Variants in FBXO24 observed in about 807,000 individuals in gnomAD.
FBXO24 encodes F-box protein 24.
A neutral mutation model predicts 63.5 loss-of-function variants in FBXO24; 30 were observed. That is an observed-to-expected ratio of 0.47 (90% CI 0.35 to 0.64). The LOEUF (loss-of-function observed/expected upper bound fraction) is 0.64, where lower values mean the gene tolerates loss of function less well. FBXO24 is among the 30% of genes least tolerant of loss of function. FBXO24 has a pLI of 0.00. For synonymous variants in FBXO24, 300 were observed against 305.0 expected (o/e 0.98, Z 0.17); for missense variants, 624 against 763.4 (o/e 0.82, Z 2.15).
intron 8 of FBXO24, 164 bp from the exon 9 acceptor site, chr7:100,599,867 G>T (rs1209302598): frequency 4.3e-6 from 3 of 695,576 alleles, no homozygotes; most frequent in Non-Finnish European, 2.4e-6. Context: ...GAGTATGGGG[G>T]CTGCAGGGGT....
chr7:100,595,849 G>T (rs746957178), intron 8 of FBXO24, 143 bp downstream of exon 8: 10 of 1,165,630 alleles, frequency 8.6e-6, no homozygotes, highest in Non-Finnish European at 1.2e-5. Flanking sequence ...AATGCCAGTG[G>T]TACTACCCCA....
intron 8 of FBXO24, among the ~76,000 whole-genome samples, chr7:100,596,744 A>G (rs1802326393): frequency 6.6e-6 from 1 of 152,274 alleles, no homozygotes. Flanking sequence ...AGAGAGGGGT[A>G]TAAGACAGAG....
At chr7:100,589,506 G>T in intron 1 of FBXO24, 1 of 1,349,428 alleles carries the variant, frequency 7.4e-7, no homozygotes. Context: ...GATGGGTCCT[G>T]GGCAAGATTA....
Position 100,595,134 on chromosome 7 carries a change from C to A in FBXO24, c.985C>A (p.Pro329Thr). The A allele has an allele frequency of 6.2e-7, 1 of 1,614,022 alleles. No homozygotes were observed. The highest frequency in any genetic ancestry group is 8.5e-7 in the Non-Finnish European group (1 of 1,179,994). ...GGGAGTGTATTTTGAGGTGCATACC[C>A]CAGGGGTGTATCGCGATCTCTTTGG... ...QGGVYFEVHT[P>T]GVYRDLFGTL... Residue 329 changes from proline to threonine, a missense_variant, in exon 7 of 10, where the codon CCA becomes ACA. Pro to Thr is a conservative substitution (Grantham distance 38). Transcript: ENST00000241071.
chr7:100,593,207 G>A, intron 5 of FBXO24, 190 bp downstream of exon 5: 1 of 553,158 alleles, frequency 1.8e-6, no homozygotes, highest in East Asian at 3.1e-5. Flanking sequence ...ATGAATAAAA[G>A]GCCCTGTCCA....
Position 100,594,324 on chromosome 7 carries a change from G to T in FBXO24, c.794-59G>T. On this transcript the variant is annotated intron_variant, in intron 5 of 9. Coordinates refer to ENST00000241071, the MANE Select transcript of FBXO24 (RefSeq NM_033506.3). The surrounding 1 kb of genome is among the most constrained non-coding windows in gnomAD (Gnocchi z 4.2). Reference sequence around the variant, plus strand: ...CCATATGGCCTAGGGAGTCTCTTGGGATGTTTATGTGGATATTGGAGAATC... The same window carrying T: ...CCATATGGCCTAGGGAGTCTCTTGGTATGTTTATGTGGATATTGGAGAATC... 1.3e-6 allele frequency: 2 copies of T among 1,593,052 alleles called. No homozygotes were observed. Among genetic ancestry groups the T allele is most frequent in the South Asian group, 2.3e-5 (2 of 88,782 alleles).
rs1171801276 is a variant in FBXO24 at position 100,594,851 on chromosome 7, G to A, written c.953-251G>A. Among the ~76,000 whole-genome samples the A allele has an allele frequency of 2.0e-5, 3 of 152,192 alleles. No homozygotes were observed. Among genetic ancestry groups the A allele is most frequent in the East Asian group, 1.9e-4 (1 of 5,192 alleles). On this transcript the variant is annotated intron_variant, in intron 6 of 9. Coordinates refer to ENST00000241071, the MANE Select transcript of FBXO24 (RefSeq NM_033506.3). This position sits in a 1 kb window ranked among gnomAD's most constrained non-coding sequence, Gnocchi z 4.2. ...TGTAATCCCAGCTACACCAGAGGCCGAGACAGGAGAATCACTTGAACCAGG... is the reference window on the plus strand; with the variant it reads ...TGTAATCCCAGCTACACCAGAGGCCAAGACAGGAGAATCACTTGAACCAGG...
Position 100,600,242 on chromosome 7 carries a change from A to G in FBXO24, c.1377+41A>G. On this transcript the variant is annotated intron_variant, in intron 9 of 9. Transcript: ENST00000241071. The surrounding 1 kb of genome is among the most constrained non-coding windows in gnomAD (Gnocchi z 6.3). ...GGAGAGTGGGCACCCAGGGAGGATGAGAGCCATGAACCAGGAAGCCCACAG... is the reference window on the plus strand; with the variant it reads ...GGAGAGTGGGCACCCAGGGAGGATGGGAGCCATGAACCAGGAAGCCCACAG... 1 of 1,478,568 alleles carries G rather than the reference A, an allele frequency of 6.8e-7. No homozygotes were observed. Among genetic ancestry groups the G allele is most frequent in the Non-Finnish European group, 9.0e-7 (1 of 1,109,900 alleles). 91.6% of individuals were successfully genotyped at this position (1,478,568 alleles called of 1,614,324 possible). A position where few individuals can be genotyped will look rare whatever the true frequency, so the allele number is the denominator to read the frequency against.
At chr7:100,593,522 G>C (rs1225414658) in intron 5 of FBXO24, among the ~76,000 whole-genome samples, 4 of 151,900 alleles carry the variant, frequency 2.6e-5, no homozygotes, top group Non-Finnish European at 5.9e-5. Context: ...AAGCTACCTG[G>C]GAGGCTGAGG....
intron 7 of FBXO24, 125 bp downstream of exon 7, chr7:100,595,348 A>T (rs1187258711): frequency 6.6e-7 from 1 of 1,522,728 alleles, no homozygotes; most frequent in African/African-American, 1.4e-5. Flanking sequence ...GAGGTATGCC[A>T]AAAGAGATCA....
chr7:100,599,714 G>A (rs1350345686), intron 8 of FBXO24: 1 of 309,370 alleles, frequency 3.2e-6, no homozygotes, highest in African/African-American at 2.2e-5. Context: ...CTGGCAGGCA[G>A]GATGAGAGGC....
At position 100,586,586 on chromosome 7, in the gene FBXO24, C is replaced by T; in HGVS notation, c.-40C>T. 3.7e-6 allele frequency: 6 copies of T among 1,611,962 alleles called. No homozygotes were observed. Among genetic ancestry groups the T allele is most frequent in the Non-Finnish European group, 5.1e-6 (6 of 1,178,114 alleles). ...TTAGAGCCTCCGAAGGGAATCTGGA[C>T]CTGCCTCTTCTCTGAGGGACGGCTC... On this transcript the variant is annotated 5_prime_UTR_variant, in exon 1 of 10. Coordinates refer to ENST00000241071, the MANE Select transcript of FBXO24 (RefSeq NM_033506.3).
intron 1 of FBXO24, among the ~76,000 whole-genome samples, chr7:100,587,262 C>T (rs1801802795): frequency 6.6e-6 from 1 of 151,954 alleles, no homozygotes; most frequent in South Asian, 2.1e-4. Flanking sequence ...CCCTTCCTCT[C>T]TTCCTCCCTC....
Position 100,591,770 on chromosome 7 carries a change from C to T in FBXO24, c.426C>T (p.Thr142=). 1 of 1,614,278 alleles carries T rather than the reference C, an allele frequency of 6.2e-7. No homozygotes were observed. The highest frequency in any genetic ancestry group is 1.3e-5 in the African/African-American group (1 of 75,076). ...ACGGCTACCGCCGCTTCTTGCCCAC[C>T]AAGGATCACGTCTTCATTCTTGACT... ...LAHGYRRFLP[T]KDHVFILDYV... The change falls in exon 4 of 10, where the codon ACC becomes ACT. Residue 142 remains threonine (T), a synonymous_variant. Transcript: ENST00000241071.
intron 8 of FBXO24, among the ~76,000 whole-genome samples, chr7:100,598,681 GA>G (rs895353184): frequency 3.9e-5 from 6 of 152,164 alleles, no homozygotes; most frequent in African/African-American, 1.4e-4. Context: ...GTGATAAGTT[GA>G]AAATGCTAGG....
intron 8 of FBXO24, 35 bp downstream of exon 8, chr7:100,595,741 C>G (rs374801330): frequency 1.3e-6 from 2 of 1,543,428 alleles, no homozygotes; most frequent in Middle Eastern, 1.8e-4. Flanking sequence ...CATCCCAACC[C>G]CTTTCCTCCA....
chr7:100,592,228 C>T (rs952945718), intron 4 of FBXO24: 1 of 282,724 alleles, frequency 3.5e-6, no homozygotes, highest in Admixed American at 4.9e-5. Context: ...CCTTGCACTC[C>T]AGCCTGGGCA....
At chr7:100,591,923 A>G in intron 4 of FBXO24, 21 bp downstream of exon 4, 1 of 1,610,918 alleles carries the variant, frequency 6.2e-7, no homozygotes, top group Non-Finnish European at 8.5e-7. Flanking sequence ...GAACCCTGGC[A>G]GCTGAGAGCC....
Position 100,594,303 on chromosome 7 carries a change from A to G in FBXO24, c.794-80A>G. 1 of 1,512,918 alleles carries G rather than the reference A, an allele frequency of 6.6e-7. No homozygotes were observed. Among genetic ancestry groups the G allele is most frequent in the Non-Finnish European group, 9.0e-7 (1 of 1,115,394 alleles). The allele number at this position is 1,512,918 out of a possible 1,614,324, so 93.7% of individuals were successfully genotyped here. On this transcript the variant is annotated intron_variant, in intron 5 of 9. Coordinates refer to ENST00000241071, the MANE Select transcript of FBXO24 (RefSeq NM_033506.3). The surrounding 1 kb of genome is among the most constrained non-coding windows in gnomAD (Gnocchi z 4.2). ...CTAGGGCAGTAAATGTGTCACCCAT[A>G]TGGCCTAGGGAGTCTCTTGGGATGT...
Sources: allele counts gnomAD v4.1 joint callset (sites outside exome capture counted in the v4.1 genomes callset), GRCh38; gene constraint gnomAD v4.1.1; non-coding constraint Gnocchi (gnomAD v3.1); transcripts MANE v1.5; gene names NCBI Gene and HGNC (gene_info 2026-07-23, HGNC 2026-07-21).